The following TIAM1 variants were observed in gnomAD, a reference collection of about 807,000 sequenced individuals.
TIAM1 encodes the protein rho guanine nucleotide exchange factor TIAM1.
In TIAM1, 65 loss-of-function variants were observed where a neutral mutation model predicts 163.5. That is an observed-to-expected ratio of 0.40 (90% CI 0.33 to 0.49). The LOEUF (loss-of-function observed/expected upper bound fraction) is 0.49. Ranked by LOEUF, TIAM1 falls within the 20% of genes least tolerant of loss-of-function variation. TIAM1 has a pLI of 0.77. For missense variants in TIAM1, 1,789 were observed against 2,044.7 expected, an observed-to-expected ratio of 0.87 and a Z score of 2.41; for synonymous variants, 833 against 810.1, an observed-to-expected ratio of 1.03 and a Z score of -0.48.
chr21:31,433,501 C>G (rs745414815), intron 2 of TIAM1, among the ~76,000 whole-genome samples: 3 of 152,146 alleles, frequency 2.0e-5, no homozygotes, highest in Non-Finnish European at 2.9e-5. Context: ...CTTTATGGTC[C>G]ATTCTTTTAG....
chr21:31,213,317 T>G (rs2086985509), intron 10 of TIAM1, 81 bp downstream of exon 10: 1 of 1,194,666 alleles, frequency 8.4e-7, no homozygotes, highest in South Asian at 1.6e-5. Context: ...TTAATTTTAG[T>G]AGCTCAAGAC....
At chr21:31,181,753 C>G (rs1230452143) in intron 15 of TIAM1, among the ~76,000 whole-genome samples, 1 of 39,440 alleles carries the variant, frequency 2.5e-5, no homozygotes, top group Non-Finnish European at 5.4e-5. Flanking sequence ...TCTTCTTCTT[C>G]TTCTTTTTTT....
chr21:31,316,109 C>CTGTA (rs990082766), intron 2 of TIAM1, among the ~76,000 whole-genome samples: 1 of 152,148 alleles, frequency 6.6e-6, no homozygotes, highest in Non-Finnish European at 1.5e-5. Context: ...GGGTGATCCA[C>CTGTA]TGTATTAAGA....
Position 31,501,320 on chromosome 21 carries a change from T to G in TIAM1, c.-421-37285A>C, listed in dbSNP as rs1336259318. ...GGTGAAGAACCGGGGTGCTGGATTT[T>G]TTTTGTTTTTAAAAACGGAATGGGC... On this transcript the variant is annotated intron_variant, in intron 1 of 28. Coordinates refer to the TIAM1 transcript ENST00000286827. 2.0e-5 allele frequency among the ~76,000 whole-genome samples: 3 copies of G among 152,128 alleles called. No homozygotes were observed. In the East Asian group the frequency reaches 5.8e-4, roughly 29 times the overall value.
chr21:31,352,435 T>TTTAAC (rs1569256987), intron 2 of TIAM1, among the ~76,000 whole-genome samples: 1 of 151,192 alleles, frequency 6.6e-6, no homozygotes, highest in Non-Finnish European at 1.5e-5. Context: ...AAGTGTGTAC[T>TTTAAC]TAAAAATAGT....
chr21:31,340,319 C>T (rs2075975532), intron 1 of TIAM1, among the ~76,000 whole-genome samples: 1 of 152,016 alleles, frequency 6.6e-6, no homozygotes, highest in Non-Finnish European at 1.5e-5. Context: ...GCTACATTCC[C>T]TTGTCGGGGA....
intron 1 of TIAM1, among the ~76,000 whole-genome samples, chr21:31,471,351 C>G (rs1395403869): frequency 6.6e-6 from 1 of 152,170 alleles, no homozygotes; most frequent in Non-Finnish European, 1.5e-5. Context: ...CACACAGACA[C>G]GATCATTCAG....
At chr21:31,245,160 T>C (rs925251211) in intron 6 of TIAM1, among the ~76,000 whole-genome samples, 5 of 151,992 alleles carry the variant, frequency 3.3e-5, no homozygotes, top group African/African-American at 1.2e-4. Context: ...ACGATCCCTT[T>C]CTTAAATGCA....
At chr21:31,390,956 C>T (rs1291188869) in intron 2 of TIAM1, among the ~76,000 whole-genome samples, 1 of 152,162 alleles carries the variant, frequency 6.6e-6, no homozygotes, top group Non-Finnish European at 1.5e-5. Context: ...AGGGACTTCT[C>T]TGGCCTTCTA....
At chr21:31,362,432 T>C (rs2147138036) in intron 2 of TIAM1, among the ~76,000 whole-genome samples, 1 of 140,762 alleles carries the variant, frequency 7.1e-6, no homozygotes, top group South Asian at 2.4e-4. Context: ...CCATTACCCA[T>C]TAATGCAGTG....
chr21:31,521,096 T>C (rs1249081234), intron 1 of TIAM1, among the ~76,000 whole-genome samples: 1 of 152,238 alleles, frequency 6.6e-6, no homozygotes, highest in Non-Finnish European at 1.5e-5. Context: ...TTATGCTTGC[T>C]TGTTCCTCAA....
chr21:31,245,678 G>A lies in TIAM1; in HGVS notation c.1412-18C>T. The A allele has an allele frequency of 6.5e-7, 1 of 1,527,040 alleles. No individual in the cohort carries two copies. Among genetic ancestry groups the A allele is most frequent in the Non-Finnish European group, 8.8e-7 (1 of 1,133,790 alleles). 94.6% of individuals were successfully genotyped at this position (1,527,040 alleles called of 1,614,324 possible). On this transcript the variant is annotated intron_variant, in intron 5 of 27. Coordinates refer to ENST00000541036, the MANE Select transcript of TIAM1 (RefSeq NM_001353694.2). ...CGTGCATCCTGAGGAAACAGAACAG[G>A]GGTGTGCATGAGTATTCAGTGCTTG...
chr21:31,315,398 C>T (rs1212279458), intron 2 of TIAM1, among the ~76,000 whole-genome samples: 1 of 151,886 alleles, frequency 6.6e-6, no homozygotes, highest in Non-Finnish European at 1.5e-5. Context: ...GCCTGTAGTC[C>T]CAGCTACTCG....
At chr21:31,160,748 C>A in intron 16 of TIAM1, 1 of 370,464 alleles carries the variant, frequency 2.7e-6, no homozygotes, top group East Asian at 3.9e-5. Flanking sequence ...GAGCTGCACT[C>A]GCTTCCCACC....
chr21:31,440,702 G>A (rs769649087), intron 2 of TIAM1, among the ~76,000 whole-genome samples: 4 of 152,084 alleles, frequency 2.6e-5, no homozygotes, highest in Non-Finnish European at 5.9e-5. Flanking sequence ...CCAACATGGT[G>A]AAACCCCGTC....
intron 1 of TIAM1, among the ~76,000 whole-genome samples, chr21:31,555,046 G>A (rs780736760): frequency 6.6e-6 from 1 of 152,198 alleles, no homozygotes; most frequent in Admixed American, 6.5e-5. Flanking sequence ...TTAATATCGT[G>A]TACCCTTTTA....
chr21:31,118,707 G>A lies in TIAM1; in HGVS notation c.*1661C>T, dbSNP rs907647496. The A allele has an allele frequency of 2.1e-6, 1 of 467,996 alleles. No homozygotes were observed. The highest frequency in any genetic ancestry group is 4.4e-6 in the Non-Finnish European group (1 of 226,180). 29.0% of individuals were successfully genotyped at this position (467,996 alleles called of 1,614,324 possible). ...CGAACCGGAGATGATATGGAAAAAT[G>A]CAGTGATACAAAGGGTATAGAAACC... On this transcript the variant is annotated 3_prime_UTR_variant, in exon 28 of 28. Transcript: ENST00000541036.
In TIAM1 at chr21:31,153,052, C is replaced by T; in HGVS notation, c.3240+14G>A. 1 of 1,611,224 alleles carries T rather than the reference C, an allele frequency of 6.2e-7. No homozygotes were observed. Among genetic ancestry groups the T allele is most frequent in the Non-Finnish European group, 8.5e-7 (1 of 1,179,074 alleles). On this transcript the variant is annotated intron_variant, in intron 18 of 27. Transcript: ENST00000541036. ...GGTATGATGGTCACAAAGTTGAAACCATTTCCAGCATACCTCATCCTGGGT... is the reference window on the plus strand; with the variant it reads ...GGTATGATGGTCACAAAGTTGAAACTATTTCCAGCATACCTCATCCTGGGT...
chr21:31,264,705 G>A (rs1016555064), intron 4 of TIAM1, among the ~76,000 whole-genome samples: 9 of 152,020 alleles, frequency 5.9e-5, no homozygotes, highest in Non-Finnish European at 1.3e-4. Flanking sequence ...ATTATATTTA[G>A]ACCCCCTTTC....
Sources: allele counts gnomAD v4.1 joint callset (sites outside exome capture counted in the v4.1 genomes callset), GRCh38; gene constraint gnomAD v4.1.1; transcripts MANE v1.5; gene names NCBI Gene and HGNC (gene_info 2026-07-23, HGNC 2026-07-21).